The following SLC24A3 variants were observed in gnomAD, a reference collection of about 807,000 sequenced individuals.
SLC24A3 encodes the protein sodium/potassium/calcium exchanger 3.
In SLC24A3, 28 loss-of-function variants were observed where a neutral mutation model predicts 75.8. The observed-to-expected ratio is 0.37, with a 90% CI of 0.27 to 0.51. The LOEUF (loss-of-function observed/expected upper bound fraction) is 0.51. Ranked by LOEUF, SLC24A3 falls within the 20% of genes least tolerant of loss-of-function variation. The pLI is 0.94. For synonymous variants in SLC24A3, 372 were observed against 334.1 expected (o/e 1.11, Z -1.24); for missense variants, 663 against 847.8 (o/e 0.78, Z 2.71).
chr20:19,422,740 G>A (rs1032015826), intron 2 of SLC24A3, among the ~76,000 whole-genome samples: 1 of 152,168 alleles, frequency 6.6e-6, no homozygotes, highest in Non-Finnish European at 1.5e-5. Flanking sequence ...AGTTCTAAAA[G>A]CTTAAGCAGG....
chr20:19,407,860 G>A (rs1986676155), intron 2 of SLC24A3, among the ~76,000 whole-genome samples: 1 of 152,236 alleles, frequency 6.6e-6, no homozygotes, highest in Non-Finnish European at 1.5e-5. Context: ...CACTGAAATA[G>A]GAGTAAGTCC....
intron 2 of SLC24A3, among the ~76,000 whole-genome samples, chr20:19,495,670 G>A (rs562880565): frequency 1.3e-5 from 2 of 152,314 alleles, no homozygotes; most frequent in Admixed American, 6.5e-5. Context: ...TGACTCCCTC[G>A]GCTGTGCCCA....
intron 3 of SLC24A3, among the ~76,000 whole-genome samples, chr20:19,536,836 A>C (rs1277952676): frequency 6.6e-6 from 1 of 152,232 alleles, no homozygotes; most frequent in Non-Finnish European, 1.5e-5. Flanking sequence ...TAGAAAGCTG[A>C]AACTGGATCC....
At chr20:19,423,125 G>A (rs370551591) in intron 2 of SLC24A3, among the ~76,000 whole-genome samples, 3 of 152,196 alleles carry the variant, frequency 2.0e-5, no homozygotes, top group Non-Finnish European at 4.4e-5. Flanking sequence ...CTCTTGCCCC[G>A]CATCCAGCCG....
At chr20:19,259,188 A>G (rs1285753048) in intron 1 of SLC24A3, among the ~76,000 whole-genome samples, 1 of 152,208 alleles carries the variant, frequency 6.6e-6, no homozygotes, top group Non-Finnish European at 1.5e-5. Context: ...TGATGAAAAG[A>G]TAAGTCACAC....
chr20:19,663,431 CTCCG>C (rs1156742952), intron 7 of SLC24A3, among the ~76,000 whole-genome samples: 10 of 96,440 alleles, frequency 1.0e-4, no homozygotes, highest in East Asian at 2.5e-4. Context: ...CCTCCTCCTC[CTCCG>C]CCTTCTCATC....
intron 3 of SLC24A3, among the ~76,000 whole-genome samples, chr20:19,556,403 C>T (rs1428737577): frequency 1.3e-5 from 2 of 152,026 alleles, no homozygotes; most frequent in African/African-American, 2.4e-5. Context: ...TCCTCTCTCC[C>T]ACCCCATCGT....
chr20:19,479,599 GA>G (rs1482410405), intron 2 of SLC24A3, among the ~76,000 whole-genome samples: 1 of 152,242 alleles, frequency 6.6e-6, no homozygotes, highest in African/African-American at 2.4e-5. Flanking sequence ...AGAGGGAAAG[GA>G]ATAAGATTAG....
intron 8 of SLC24A3, among the ~76,000 whole-genome samples, chr20:19,670,481 T>G (rs1421731960): frequency 6.6e-6 from 1 of 152,164 alleles, no homozygotes; most frequent in Non-Finnish European, 1.5e-5. Flanking sequence ...GGGCTTTTGA[T>G]GAGTAAAAAA....
rs2032621024 is a variant in SLC24A3 at position 19,682,000 on chromosome 20, G to C, written c.901+9G>C. ...GGTGCTACTTAAGAAAGGTAACCAA[G>C]GAGAGCACTTTGGGGTCCAAGGCAG... On this transcript the variant is annotated intron_variant, in intron 10 of 16. Transcript: ENST00000328041. 2 of 1,613,310 alleles carry C rather than the reference G, an allele frequency of 1.2e-6. No individual in the cohort carries two copies. The highest frequency in any genetic ancestry group is 2.7e-5 in the African/African-American group (2 of 74,894).
At chr20:19,431,740 T>A (rs568422295) in intron 2 of SLC24A3, among the ~76,000 whole-genome samples, 1 of 151,520 alleles carries the variant, frequency 6.6e-6, no homozygotes, top group East Asian at 1.9e-4. Flanking sequence ...AAAGGTAAAT[T>A]CATTCAAATA....
chr20:19,496,593 A>G (rs1396830870), intron 2 of SLC24A3, among the ~76,000 whole-genome samples: 12 of 152,210 alleles, frequency 7.9e-5, no homozygotes, highest in Admixed American at 7.9e-4. Flanking sequence ...CTGGGTTGCC[A>G]GAACCTGAGC....
intron 1 of SLC24A3, among the ~76,000 whole-genome samples, chr20:19,273,611 C>T (rs1260304583): frequency 1.3e-5 from 2 of 152,114 alleles, no homozygotes; most frequent in African/African-American, 4.8e-5. Flanking sequence ...CCAGGGTGCC[C>T]AGGGATCTGC....
intron 2 of SLC24A3, among the ~76,000 whole-genome samples, chr20:19,394,920 T>G (rs1316788554): frequency 6.6e-6 from 1 of 152,186 alleles, no homozygotes; most frequent in Non-Finnish European, 1.5e-5. Context: ...TGTACCCACA[T>G]GTTCACAGCA....
rs1227625790 is a variant in SLC24A3 at position 19,339,120 on chromosome 20, CTGTT to C, written c.271+58037_271+58040del. On this transcript the variant is annotated intron_variant, in intron 2 of 16. Transcript: ENST00000328041. Reference sequence around the variant, plus strand: ...GCATTCTTGGACACATAGCCTGACTCTGTTTGTAATTAATTTGAATGCTTCCAGA... The same window carrying C: ...GCATTCTTGGACACATAGCCTGACTCTGTAATTAATTTGAATGCTTCCAGA... Among the ~76,000 whole-genome samples the C allele has an allele frequency of 2.8e-3, 430 of 152,364 alleles. 1 individual carries two copies. The highest frequency in any genetic ancestry group is 9.7e-3 in the African/African-American group (403 of 41,594).
chr20:19,501,581 C>T (rs1415494648), intron 2 of SLC24A3, among the ~76,000 whole-genome samples: 1 of 152,228 alleles, frequency 6.6e-6, no homozygotes, highest in African/African-American at 2.4e-5. Flanking sequence ...ACCTTCTTGG[C>T]TGTAACTGGT....
At chr20:19,301,865 C>T (rs1025098171) in intron 2 of SLC24A3, among the ~76,000 whole-genome samples, 2 of 152,212 alleles carry the variant, frequency 1.3e-5, no homozygotes, top group African/African-American at 4.8e-5. Flanking sequence ...GGACCTCACT[C>T]CGCCCATGTT....
At chr20:19,393,875 T>C (rs1986405885) in intron 2 of SLC24A3, among the ~76,000 whole-genome samples, 1 of 152,178 alleles carries the variant, frequency 6.6e-6, no homozygotes, top group Non-Finnish European at 1.5e-5. Context: ...AAAATTCATA[T>C]AGAATCTTAA....
intron 2 of SLC24A3, among the ~76,000 whole-genome samples, chr20:19,411,952 A>T (rs1453975548): frequency 1.3e-5 from 2 of 152,206 alleles, no homozygotes; most frequent in African/African-American, 4.8e-5. Flanking sequence ...GAAAAGCTCC[A>T]TGATAGTCCC....
Sources: allele counts gnomAD v4.1 joint callset (sites outside exome capture counted in the v4.1 genomes callset), GRCh38; gene constraint gnomAD v4.1.1; transcripts MANE v1.5; gene names NCBI Gene and HGNC (gene_info 2026-07-23, HGNC 2026-07-21).